TNRC18: variants seen among roughly 807,000 people sequenced by gnomAD.
The protein encoded by TNRC18 is trinucleotide repeat containing 18.
Under a neutral mutation model 226.7 loss-of-function variants are expected in TNRC18, and 69 were observed. The ratio of observed to expected loss-of-function variants is 0.30; its 90% CI spans 0.25 to 0.37. TNRC18 has a LOEUF of 0.37. Ranked by LOEUF, TNRC18 falls within the 10% of genes least tolerant of loss-of-function variation. The pLI is 1.00. For synonymous variants in TNRC18, 2,449 were observed against 1,927.6 expected (o/e 1.27, Z -7.09); for missense variants, 4,754 against 4,256.6 (o/e 1.12, Z -3.25).
Position 5,324,250 on chromosome 7 carries a change from G to C in TNRC18, c.6406C>G (p.Pro2136Ala). 6.2e-7 allele frequency: 1 copy of C among 1,611,770 alleles called. No individual in the cohort carries two copies. Among genetic ancestry groups the C allele is most frequent in the Non-Finnish European group, 8.5e-7 (1 of 1,179,388 alleles). ...GGCCGCTCCACAGCCCCGCCACGCG[G>C]CAGGTGCTCGTCCTCAGAGAAGCTC... ...DSSFSEDEHL[P>A]RGGAVERPLT... The change falls in exon 21 of 30, where the codon CCG becomes GCG. Residue 2136 changes from proline (P) to alanine (A), a missense_variant. By Grantham distance (27) the Pro-to-Ala change is conservative. Transcript: ENST00000430969. This position sits in a 1 kb window ranked among gnomAD's most constrained non-coding sequence, Gnocchi z 4.8.
chr7:5,315,957 C>A lies in TNRC18; in HGVS notation c.6861G>T (p.Gln2287His). Reference protein sequence around the residue: ...IRLLPPDYKIQCAEPSPALLV... With the variant: ...IRLLPPDYKIHCAEPSPALLV... ...GGGTGTCATGAGCTTGTCACTTACA[C>A]TGTATCTTATAGTCAGGGGGCAGGA... Residue 2287 changes from glutamine (Q) to histidine (H), a missense_variant and splice_region_variant, in exon 25 of 30, where the codon CAG (glutamine) becomes CAT (histidine). Gln to His is a conservative substitution (Grantham distance 24, BLOSUM62 0). Transcript: ENST00000430969. 1 of 1,581,800 alleles carries A rather than the reference C, an allele frequency of 6.3e-7. No homozygotes were observed. Among genetic ancestry groups the A allele is most frequent in the Non-Finnish European group, 8.6e-7 (1 of 1,166,398 alleles).
chr7:5,389,471 T>TTTTTTC, intron 4 of TNRC18, 135 bp from the exon 5 acceptor site: 6 of 923,910 alleles, frequency 6.5e-6, no homozygotes, highest in Non-Finnish European at 8.1e-6. Flanking sequence ...GTTTTTTTTT[T>TTTTTTC]CAGAAAGAGT....
At chr7:5,420,690 A>AGCGGGTGTCTCGCGGGGT (rs1173210665) in intron 2 of TNRC18, 8 of 508,344 alleles carry the variant, frequency 1.6e-5, no homozygotes, top group Non-Finnish European at 1.9e-5. Context: ...GAGCTCGGGG[A>AGCGGGTGTCTCGCGGGGT]GCGGGTGTCT....
At chr7:5,320,681 C>T in intron 22 of TNRC18, 74 bp from the exon 23 acceptor site, 1 of 1,312,174 alleles carries the variant, frequency 7.6e-7, no homozygotes, top group Non-Finnish European at 1.1e-6. Context: ...ACCAGCACAG[C>T]ACTGCCTCCT....
intron 9 of TNRC18, among the ~76,000 whole-genome samples, chr7:5,375,655 C>T (rs1794593314): frequency 1.3e-5 from 2 of 152,164 alleles, no homozygotes; most frequent in South Asian, 4.1e-4. Flanking sequence ...TTGTGCCTCT[C>T]CGAGAGGCCA....
chr7:5,363,778 A>G (rs1026154937), intron 11 of TNRC18, among the ~76,000 whole-genome samples: 1 of 152,020 alleles, frequency 6.6e-6, no homozygotes, highest in Non-Finnish European at 1.5e-5. Context: ...TTGTACGTGC[A>G]TTTTTCCATA....
intron 16 of TNRC18, among the ~76,000 whole-genome samples, chr7:5,355,557 G>A (rs1415706252): frequency 1.3e-5 from 2 of 152,194 alleles, no homozygotes; most frequent in African/African-American, 4.8e-5. Context: ...TTCCAGACTA[G>A]CCTGGAAAAC....
rs923786455 is a variant in TNRC18 at position 5,394,999 on chromosome 7, C to A, written c.188-404G>T. Reference sequence around the variant, plus strand: ...GACTTCCAGAGGCCACAGGGCAAGGCGGTGGGGGACTTACAGGCGGGGGGC... The same window carrying A: ...GACTTCCAGAGGCCACAGGGCAAGGAGGTGGGGGACTTACAGGCGGGGGGC... On this transcript the variant is annotated intron_variant, in intron 2 of 29. Coordinates refer to ENST00000430969, the MANE Select transcript of TNRC18 (RefSeq NM_001080495.3). This position sits in a 1 kb window ranked among gnomAD's most constrained non-coding sequence, Gnocchi z 4.5. Among the ~76,000 whole-genome samples, 2 of 152,192 alleles carry A rather than the reference C, an allele frequency of 1.3e-5. No individual in the cohort carries two copies. The highest frequency in any genetic ancestry group is 4.8e-5 in the African/African-American group (2 of 41,432).
intron 2 of TNRC18, among the ~76,000 whole-genome samples, chr7:5,417,570 A>G (rs1782269143): frequency 6.6e-6 from 1 of 152,188 alleles, no homozygotes; most frequent in Admixed American, 6.6e-5. Context: ...GAGGGCAGAG[A>G]CTTCTGTCTG....
Position 5,388,890 on chromosome 7 carries a change from C to A in TNRC18, c.934G>T (p.Asp312Tyr). Residue 312 changes from aspartate (D) to tyrosine (Y), a missense_variant, in exon 5 of 30, where the codon GAC becomes TAC. Physicochemically the swap from Asp to Tyr is radical, Grantham distance 160. Coordinates refer to ENST00000430969, the MANE Select transcript of TNRC18 (RefSeq NM_001080495.3). ...CGCCGCAGCAGCCGCGCGCCCTCGT[C>A]CTGCCGGGCAGCCTCCTTGGCACCC... ...RGGAKEAARQ[D>Y]EGARLLRRTE... 3 of 1,351,194 alleles carry A rather than the reference C, an allele frequency of 2.2e-6. No individual in the cohort carries two copies. The highest frequency in any genetic ancestry group is 2.9e-6 in the Non-Finnish European group (3 of 1,047,710). 83.7% of individuals were successfully genotyped at this position (1,351,194 alleles called of 1,614,324 possible). A position where few individuals can be genotyped will look rare whatever the true frequency, so the allele number is the denominator to read the frequency against.
intron 2 of TNRC18, among the ~76,000 whole-genome samples, chr7:5,414,854 A>G (rs1782075423): frequency 6.6e-6 from 1 of 152,230 alleles, no homozygotes. Context: ...AATTGTCCCA[A>G]TGATGTTCTT....
chr7:5,402,358 AC>A (rs1310616565), intron 2 of TNRC18, among the ~76,000 whole-genome samples: 2 of 149,754 alleles, frequency 1.3e-5, no homozygotes, highest in African/African-American at 4.9e-5. Flanking sequence ...ACACGGTGAA[AC>A]TCCATCTCTA....
At position 5,388,334 on chromosome 7, in the gene TNRC18, T is replaced by C. The variant is rs1403293560; in HGVS notation, c.1490A>G (p.Glu497Gly). 6.3e-7 allele frequency: 1 copy of C among 1,595,630 alleles called. No homozygotes were observed. Residue 497 changes from glutamate to glycine, a missense_variant, in exon 5 of 30, where the codon GAG becomes GGG. Physicochemically the swap from Glu to Gly is moderately conservative, Grantham distance 98 (BLOSUM62 -2). Coordinates refer to ENST00000430969, the MANE Select transcript of TNRC18 (RefSeq NM_001080495.3). The stretch of plus-strand genomic sequence containing the variant: ...GCCGGTGGGCGGGGGGCGCCCGGGC[T>C]CCAGGCCGAAGAGCTTGGCGGCCTG... ...AQQAAKLFGL[E>G]PGRPPPTGPE...
intron 15 of TNRC18, among the ~76,000 whole-genome samples, chr7:5,357,938 C>G (rs1164960489): frequency 6.6e-6 from 1 of 152,230 alleles, no homozygotes; most frequent in African/African-American, 2.4e-5. Context: ...ACACTGATCG[C>G]TGGCCCTGGC....
At chr7:5,374,851 GCACT>G (rs1469473734) in intron 9 of TNRC18, among the ~76,000 whole-genome samples, 1 of 152,220 alleles carries the variant, frequency 6.6e-6, no homozygotes, top group Non-Finnish European at 1.5e-5. Context: ...GGCATTGGGC[GCACT>G]CACTACCTGC....
chr7:5,307,741 G>C lies in TNRC18; in HGVS notation c.*365C>G, dbSNP rs1053363008. The C allele has an allele frequency of 5.6e-6, 2 of 359,562 alleles. No homozygotes were observed. Among genetic ancestry groups the C allele is most frequent in the East Asian group, 1.4e-4 (2 of 14,172 alleles). The allele number at this position is 359,562 out of a possible 1,614,324, so 22.3% of individuals were successfully genotyped here. A position where few individuals can be genotyped will look rare whatever the true frequency, so the allele number is the denominator to read the frequency against. On this transcript the variant is annotated 3_prime_UTR_variant, in exon 30 of 30. Transcript: ENST00000430969. ...AGCGCCCCTCCCCACCGAATCCCCA[G>C]TCTGCATGGACCTGGGGGCACCCGG...
Position 5,359,472 on chromosome 7 carries a change from T to C in TNRC18, c.4759A>G (p.Ile1587Val), listed in dbSNP as rs778408612. 3.1e-6 allele frequency: 5 copies of C among 1,613,930 alleles called. No individual in the cohort carries two copies. The highest frequency in any genetic ancestry group is 2.2e-5 in the East Asian group (1 of 44,902). Residue 1587 changes from isoleucine (I) to valine (V), a missense_variant, in exon 15 of 30, where the codon ATC becomes GTC. By Grantham distance (29) the Ile-to-Val change is conservative. Coordinates refer to ENST00000430969, the MANE Select transcript of TNRC18 (RefSeq NM_001080495.3). ...KGSEEEHDAL[I>V]GMGKARGRNQ... ...CTCCCCCTGGCTTTCCCCATTCCGATGAGGGCATCATGTTCCTCCTCAGAC... is the reference window on the plus strand; with the variant it reads ...CTCCCCCTGGCTTTCCCCATTCCGACGAGGGCATCATGTTCCTCCTCAGAC...
Position 5,344,045 on chromosome 7 carries a change from G to C in TNRC18, c.5719+1517C>G, listed in dbSNP as rs115831609. Among the ~76,000 whole-genome samples the C allele has an allele frequency of 3.8e-3, 576 of 152,312 alleles. 4 individuals carry two copies. Among genetic ancestry groups the C allele is most frequent in the African/African-American group, 0.013 (525 of 41,556 alleles). ...AACAATCTGTATCAGCAATGAAAAA[G>C]GAGACATCACTACAGACCCTTCAGA... On this transcript the variant is annotated intron_variant, in intron 18 of 29. Transcript: ENST00000430969.
At chr7:5,412,848 T>G (rs1781931719) in intron 2 of TNRC18, among the ~76,000 whole-genome samples, 1 of 152,192 alleles carries the variant, frequency 6.6e-6, no homozygotes, top group African/African-American at 2.4e-5. Context: ...TTGGTGAAGA[T>G]GTGGGAAGTC....
Sources: gnomAD v4.1 joint callset for allele counts (sites outside exome capture counted in the v4.1 genomes callset) on GRCh38, gnomAD v4.1.1 for gene constraint, Gnocchi (gnomAD v3.1) non-coding constraint, MANE v1.5 for transcripts, NCBI Gene and HGNC (gene_info 2026-07-23, HGNC 2026-07-21) for gene names.